The following ZFR variants were observed in gnomAD, a reference collection of about 807,000 sequenced individuals.
The protein encoded by ZFR is zinc finger RNA-binding protein.
A neutral mutation model predicts 130.7 loss-of-function variants in ZFR; 19 were observed. The ratio of observed to expected loss-of-function variants is 0.15; its 90% confidence interval spans 0.10 to 0.21. ZFR has a LOEUF of 0.21. Ranked by LOEUF, ZFR falls within the 10% of genes least tolerant of loss-of-function variation. The pLI, the probability that ZFR is intolerant of heterozygous loss-of-function variation, is 1.00. For synonymous variants in ZFR, 466 were observed against 456.9 expected (o/e 1.02, Z -0.25); for missense variants, 872 against 1,321.5 (o/e 0.66, Z 5.27).
At chr5:32,377,233 TC>T (rs761224495) in intron 17 of ZFR, among the ~76,000 whole-genome samples, 15 of 147,552 alleles carry the variant, frequency 1.0e-4, no homozygotes, top group Admixed American at 4.0e-4. Flanking sequence ...TCTCTCTCTC[TC>T]CTCTCTCTCT....
At chr5:32,363,198 T>C (rs1752472107) in intron 19 of ZFR, among the ~76,000 whole-genome samples, 1 of 152,210 alleles carries the variant, frequency 6.6e-6, no homozygotes, top group South Asian at 2.1e-4. Context: ...TAGAGTGAAT[T>C]ACTGTTCATA....
chr5:32,395,248 C>T lies in ZFR; in HGVS notation c.1890G>A (p.Lys630=), dbSNP rs766187678. 6.2e-6 allele frequency: 10 copies of T among 1,610,604 alleles called. No homozygotes were observed. In the South Asian group the frequency reaches 1.1e-4, roughly 18 times the overall value. The change falls in exon 11 of 20, where the codon AAG becomes AAA. Residue 630 remains lysine, a synonymous_variant. Coordinates refer to ENST00000265069, the MANE Select transcript of ZFR (RefSeq NM_016107.5). The stretch of plus-strand genomic sequence containing the variant: ...GCTTCCTCATTTTCTCTTCTTGAAT[C>T]TTTCTTGCTCGAATACTAGGCTTTA... ...VEVKPSIRAR[K]IQEEKMRKQM... is the part of the protein sequence containing the mutation.
chr5:32,361,173 T>C (rs374755770), intron 19 of ZFR, among the ~76,000 whole-genome samples: 58 of 152,318 alleles, frequency 3.8e-4, no homozygotes, highest in Admixed American at 8.5e-4. Flanking sequence ...GCTCTGATTT[T>C]GAGATAAAGG....
In ZFR at chr5:32,355,614, A is replaced by G; in HGVS notation, c.*146T>C. 1.3e-6 allele frequency: 1 copy of G among 746,662 alleles called. No homozygotes were observed. The highest frequency in any genetic ancestry group is 2.0e-6 in the Non-Finnish European group (1 of 499,914). 46.3% of individuals were successfully genotyped at this position (746,662 alleles called of 1,614,324 possible). A position where few individuals can be genotyped will look rare whatever the true frequency, so the allele number is the denominator to read the frequency against. On this transcript the variant is annotated 3_prime_UTR_variant, in exon 20 of 20. Transcript: ENST00000265069. ...ATTCAAATAATACCTAACACTGTAC[A>G]TTTTTTAATATCATAGAAAAACTTG...
Position 32,355,649 on chromosome 5 carries a change from T to C in ZFR, c.*111A>G. ...ATCATAGAAAAACTTGGTTCTTCCATGAAATCCTTTAAATTCTTGATAAAT... is the reference window on the plus strand; with the variant it reads ...ATCATAGAAAAACTTGGTTCTTCCACGAAATCCTTTAAATTCTTGATAAAT... On this transcript the variant is annotated 3_prime_UTR_variant, in exon 20 of 20. Coordinates refer to ENST00000265069, the MANE Select transcript of ZFR (RefSeq NM_016107.5). The C allele has an allele frequency of 9.3e-7, 1 of 1,074,156 alleles. No homozygotes were observed. The highest frequency in any genetic ancestry group is 1.3e-6 in the Non-Finnish European group (1 of 776,080). 66.5% of individuals were successfully genotyped at this position (1,074,156 alleles called of 1,614,324 possible).
At chr5:32,373,214 G>C (rs1001567750) in intron 17 of ZFR, among the ~76,000 whole-genome samples, 1 of 152,152 alleles carries the variant, frequency 6.6e-6, no homozygotes, top group African/African-American at 2.4e-5. Flanking sequence ...CCAACATGGT[G>C]AAAACCCATC....
chr5:32,438,252 A>ATTTTTTTTTTTTT (rs1561930577), intron 2 of ZFR, among the ~76,000 whole-genome samples: 2 of 83,476 alleles, frequency 2.4e-5, no homozygotes, highest in Non-Finnish European at 4.8e-5. Context: ...TTTATCTGAA[A>ATTTTTTTTTTTTT]ATTTTTTTTT....
At chr5:32,358,399 G>A (rs1377246052) in intron 19 of ZFR, among the ~76,000 whole-genome samples, 1 of 152,180 alleles carries the variant, frequency 6.6e-6, no homozygotes, top group East Asian at 1.9e-4. Context: ...GGTGGCGCAA[G>A]CCTGTAATCC....
intron 15 of ZFR, among the ~76,000 whole-genome samples, chr5:32,384,498 A>G (rs1445471746): frequency 1.3e-5 from 2 of 152,224 alleles, no homozygotes; most frequent in Non-Finnish European, 2.9e-5. Flanking sequence ...TTATAAGCAA[A>G]CAAATTTAAA....
At chr5:32,413,644 T>C (rs1043701443) in intron 5 of ZFR, among the ~76,000 whole-genome samples, 2 of 152,112 alleles carry the variant, frequency 1.3e-5, no homozygotes, top group Admixed American at 6.5e-5. Context: ...CTCTGGTACT[T>C]CCTATTTTGT....
chr5:32,395,068 T>C, intron 11 of ZFR, 91 bp downstream of exon 11: 1 of 1,417,806 alleles, frequency 7.1e-7, no homozygotes, highest in Non-Finnish European at 9.2e-7. Context: ...TAAATCTGGA[T>C]TGCTTTGAAT....
In ZFR at chr5:32,444,625, A is replaced by T; in HGVS notation, c.34T>A (p.Tyr12Asn). The part of the protein sequence containing the change: ...IPICPVVSFT[Y>N]VPSRLGEDAK... ...TCGCGGGCCACATTAGACTCACCAT[A>T]GGTGAAAGAAACTACAGGGCATATG... The change falls in exon 1 of 20, where the codon TAT becomes AAT. Residue 12 changes from tyrosine (Y) to asparagine (N), a missense_variant. By Grantham distance (143) the Tyr-to-Asn change is moderately radical. Transcript: ENST00000265069. 6.6e-7 allele frequency: 1 copy of T among 1,504,984 alleles called. No homozygotes were observed. Among genetic ancestry groups the T allele is most frequent in the Admixed American group, 2.3e-5 (1 of 42,654 alleles). 93.2% of individuals were successfully genotyped at this position (1,504,984 alleles called of 1,614,324 possible).
intron 5 of ZFR, among the ~76,000 whole-genome samples, chr5:32,413,652 T>C (rs1753759414): frequency 6.6e-6 from 1 of 152,180 alleles, no homozygotes; most frequent in Non-Finnish European, 1.5e-5. Flanking sequence ...CTTCCTATTT[T>C]GTTGAAGCTA....
intron 5 of ZFR, among the ~76,000 whole-genome samples, chr5:32,408,313 TAAAA>T (rs781068231): frequency 1.4e-5 from 1 of 71,254 alleles, no homozygotes; most frequent in African/African-American, 4.6e-5. Context: ...AACGTTTGAT[TAAAA>T]AAAAAAAAAA....
intron 14 of ZFR, among the ~76,000 whole-genome samples, 188 bp downstream of exon 14, chr5:32,387,361 A>G (rs1464692203): frequency 6.6e-6 from 1 of 152,206 alleles, no homozygotes; most frequent in Non-Finnish European, 1.5e-5. Flanking sequence ...TATAATCACT[A>G]TAAAACCTAA....
chr5:32,400,070 T>C lies in ZFR; in HGVS notation c.1650A>G (p.Thr550=). The change falls in exon 9 of 20, where the codon ACA becomes ACG. Residue 550 remains threonine (T), a synonymous_variant. Coordinates refer to ENST00000265069, the MANE Select transcript of ZFR (RefSeq NM_016107.5). ...VKQDTVSEPV[T]PASLAALQSD... ...TCTGTAAAGCAGCAAGAGATGCAGG[T>C]GTGACTGGTTCTGACACTGTGTCTT... The C allele has an allele frequency of 6.2e-7, 1 of 1,613,668 alleles. No homozygotes were observed. Among genetic ancestry groups the C allele is most frequent in the South Asian group, 1.1e-5 (1 of 91,016 alleles).
In ZFR at chr5:32,441,213, G is replaced by A. The variant is rs181077776; in HGVS notation, c.137+3016C>T. ...GCTGATCTCATACCCCTGACCTCAG[G>A]TGATACACCCGCCTTAGCCTCCCAA... On this transcript the variant is annotated intron_variant, in intron 2 of 19. Coordinates refer to ENST00000265069, the MANE Select transcript of ZFR (RefSeq NM_016107.5). 9.2e-5 allele frequency among the ~76,000 whole-genome samples: 14 copies of A among 152,342 alleles called. No individual in the cohort carries two copies. In the East Asian group the frequency reaches 2.7e-3, roughly 29 times the overall value.
chr5:32,368,296 C>T (rs1752591005), intron 17 of ZFR, among the ~76,000 whole-genome samples: 3 of 152,280 alleles, frequency 2.0e-5, no homozygotes, highest in Admixed American at 1.3e-4. Context: ...GCTGCAATGG[C>T]GTGATCTCAG....
intron 13 of ZFR, among the ~76,000 whole-genome samples, chr5:32,388,158 CAAAT>C (rs1256196349): frequency 1.3e-5 from 2 of 152,192 alleles, no homozygotes; most frequent in East Asian, 1.9e-4. Flanking sequence ...AAGCAACAAA[CAAAT>C]AAGAACAGAA....
Sources: allele counts gnomAD v4.1 joint callset (sites outside exome capture counted in the v4.1 genomes callset), GRCh38; gene constraint gnomAD v4.1.1; transcripts MANE v1.5; gene names NCBI Gene and HGNC (gene_info 2026-07-23, HGNC 2026-07-21).